Variants in CSMD1 observed in about 807,000 individuals in gnomAD.
CSMD1 encodes CUB and sushi domain-containing protein 1.
A neutral mutation model predicts 417.5 loss-of-function variants in CSMD1; 213 were observed. The ratio of observed to expected loss-of-function variants is 0.51; its 90% confidence interval spans 0.46 to 0.57. CSMD1 has a LOEUF of 0.57. Ranked by LOEUF, CSMD1 falls within the 20% of genes least tolerant of loss-of-function variation. The pLI, the probability that CSMD1 is intolerant of heterozygous loss-of-function variation, is 0.00. For missense variants in CSMD1, 6,923 were observed against 4,529.7 expected, an observed-to-expected ratio of 1.53 and a Z score of -15.17; for synonymous variants, 2,862 against 1,736.8, an observed-to-expected ratio of 1.65 and a Z score of -16.11.
rs34791623 is a variant in CSMD1 at position 4,510,390 on chromosome 8, TAAAAAAAAAAAA to T, written c.303-90337_303-90326del. The stretch of plus-strand genomic sequence containing the variant: ...GTAGACAATTAAAAAGCATAATGCC[TAAAAAAAAAAAA>T]AAAAAAAAAAAAAAAAAAAAGCAAA... On this transcript the variant is annotated intron_variant, in intron 2 of 69. Transcript: ENST00000635120. Among the ~76,000 whole-genome samples the T allele has an allele frequency of 3.8e-4, 21 of 54,642 alleles. No homozygotes were observed. The South Asian group carries it at 4.5e-3, about 12-fold the overall frequency. The allele number at this position is 54,642 out of a possible 152,430, so 35.8% of individuals were successfully genotyped here. A position where few individuals can be genotyped will look rare whatever the true frequency, so the allele number is the denominator to read the frequency against.
intron 9 of CSMD1, among the ~76,000 whole-genome samples, chr8:3,580,137 G>T (rs1584916696): frequency 6.6e-6 from 1 of 152,180 alleles, no homozygotes; most frequent in East Asian, 1.9e-4. Context: ...AAGAAAAAAA[G>T]TATACATGCA....
intron 3 of CSMD1, among the ~76,000 whole-genome samples, chr8:4,204,556 C>G (rs907230596): frequency 6.6e-6 from 1 of 152,092 alleles, no homozygotes; most frequent in African/African-American, 2.4e-5. Context: ...ATTATGACAC[C>G]TTTTCTATAC....
At chr8:4,409,932 G>A (rs890799221) in intron 3 of CSMD1, among the ~76,000 whole-genome samples, 6 of 151,712 alleles carry the variant, frequency 4.0e-5, no homozygotes, top group African/African-American at 1.5e-4. Context: ...TCCTGCCTCA[G>A]CTTCCCAAGT....
chr8:2,997,520 T>A (rs1392535346), intron 54 of CSMD1, among the ~76,000 whole-genome samples: 2 of 152,126 alleles, frequency 1.3e-5, no homozygotes, highest in Non-Finnish European at 2.9e-5. Flanking sequence ...TGAAATGAAA[T>A]CTTAAACATC....
intron 6 of CSMD1, among the ~76,000 whole-genome samples, chr8:3,747,556 G>C (rs563721570): frequency 8.6e-5 from 13 of 151,726 alleles, no homozygotes; most frequent in East Asian, 3.9e-4. Context: ...TACATGTAGA[G>C]GCAGTTTGTC....
chr8:4,385,971 T>G (rs1803421478), intron 3 of CSMD1, among the ~76,000 whole-genome samples: 2 of 152,022 alleles, frequency 1.3e-5, no homozygotes, highest in African/African-American at 4.8e-5. Context: ...CATCAGCATC[T>G]TTCCTTTAAG....
At chr8:4,812,989 A>G (rs947071139) in intron 1 of CSMD1, among the ~76,000 whole-genome samples, 2 of 152,212 alleles carry the variant, frequency 1.3e-5, no homozygotes, top group African/African-American at 2.4e-5. Context: ...TCTTGCCCTT[A>G]TTTATCTGTT....
intron 38 of CSMD1, among the ~76,000 whole-genome samples, 196 bp downstream of exon 38, chr8:3,161,963 T>C (rs911453549): frequency 5.9e-5 from 9 of 152,232 alleles, no homozygotes; most frequent in Admixed American, 5.9e-4. Context: ...TGCTTAGCTT[T>C]GAAAGAGTAC....
At chr8:4,054,449 C>T (rs1000665924) in intron 3 of CSMD1, among the ~76,000 whole-genome samples, 2 of 152,050 alleles carry the variant, frequency 1.3e-5, no homozygotes, top group Non-Finnish European at 2.9e-5. Flanking sequence ...GGGAGAGAAG[C>T]AAACTTCTTC....
intron 1 of CSMD1, among the ~76,000 whole-genome samples, chr8:4,665,655 C>G (rs572743995): frequency 1.4e-4 from 22 of 152,236 alleles, no homozygotes; most frequent in African/African-American, 5.3e-4. Flanking sequence ...GTTAGCATAA[C>G]GCATTCAAGG....
chr8:4,146,265 A>AAG (rs1804115303), intron 3 of CSMD1, among the ~76,000 whole-genome samples: 1 of 151,098 alleles, frequency 6.6e-6, no homozygotes, highest in Non-Finnish European at 1.5e-5. Context: ...CACTCGAGGC[A>AAG]GTAATTCGCG....
chr8:3,995,252 C>G (rs1815113602), intron 5 of CSMD1, among the ~76,000 whole-genome samples: 2 of 152,166 alleles, frequency 1.3e-5, no homozygotes, highest in Non-Finnish European at 2.9e-5. Flanking sequence ...GGAGAACCAT[C>G]TTTTGCTTTT....
At chr8:4,230,457 C>A (rs1004134676) in intron 3 of CSMD1, among the ~76,000 whole-genome samples, 2 of 152,006 alleles carry the variant, frequency 1.3e-5, no homozygotes, top group Non-Finnish European at 2.9e-5. Flanking sequence ...AAATTATATC[C>A]CAATCAATAA....
At position 4,884,374 on chromosome 8, in the gene CSMD1, T is replaced by G. The variant is rs1210484297; in HGVS notation, c.85+109958A>C. Reference sequence around the variant, plus strand: ...TCCTTTGAGGTACAACGTTTAGAGTTTTGATGAAGTCCAATATCTATATGT... The same window carrying G: ...TCCTTTGAGGTACAACGTTTAGAGTGTTGATGAAGTCCAATATCTATATGT... On this transcript the variant is annotated intron_variant, in intron 1 of 69. Transcript: ENST00000635120. Among the ~76,000 whole-genome samples the G allele has an allele frequency of 4.6e-5, 7 of 151,992 alleles. 1 individual carries two copies. Among genetic ancestry groups the G allele is most frequent in the African/African-American group, 1.7e-4 (7 of 41,354 alleles).
rs377590642 is a variant in CSMD1 at position 3,926,435 on chromosome 8, G to A, written c.818+71468C>T. 2.6e-5 allele frequency among the ~76,000 whole-genome samples: 4 copies of A among 152,080 alleles called. No individual in the cohort carries two copies. In the East Asian group the frequency reaches 5.8e-4, roughly 22 times the overall value. On this transcript the variant is annotated intron_variant, in intron 5 of 69. Coordinates refer to ENST00000635120, the MANE Select transcript of CSMD1 (RefSeq NM_033225.6). ...AGATATTACCAGTAGCTAATATAGA[G>A]TCTGTTATAAATATTTGTTGAATGA...
chr8:4,774,603 A>C (rs1374926303), intron 1 of CSMD1, among the ~76,000 whole-genome samples: 2 of 152,204 alleles, frequency 1.3e-5, no homozygotes, highest in African/African-American at 4.8e-5. Flanking sequence ...GAGTTAATCA[A>C]CTGATGTGGT....
chr8:4,180,454 C>T (rs1056628524), intron 3 of CSMD1, among the ~76,000 whole-genome samples: 3 of 149,676 alleles, frequency 2.0e-5, no homozygotes, highest in Non-Finnish European at 4.4e-5. Flanking sequence ...GGAGGGATAG[C>T]ATTAGGAGAT....
At chr8:3,048,849 G>T (rs901631760) in intron 50 of CSMD1, among the ~76,000 whole-genome samples, 3 of 149,990 alleles carry the variant, frequency 2.0e-5, no homozygotes, top group Non-Finnish European at 4.4e-5. Flanking sequence ...ATAAAGAACT[G>T]GTATCTAAAC....
At position 4,529,286 on chromosome 8, in the gene CSMD1, T is replaced by C. The variant is rs76472772; in HGVS notation, c.302+108056A>G. On this transcript the variant is annotated intron_variant, in intron 2 of 69. Coordinates refer to ENST00000635120, the MANE Select transcript of CSMD1 (RefSeq NM_033225.6). ...ATGTGGTTTTCCAAAAGGTACATAG[T>C]GCACAACATTACAACAGATTGTATG... 7.4e-3 allele frequency among the ~76,000 whole-genome samples: 1,131 copies of C among 152,314 alleles called. 16 individuals are homozygous for C. Among genetic ancestry groups the C allele is most frequent in the African/African-American group, 0.026 (1,075 of 41,572 alleles).
Sources: gnomAD v4.1 joint callset for allele counts (sites outside exome capture counted in the v4.1 genomes callset) on GRCh38, gnomAD v4.1.1 for gene constraint, MANE v1.5 for transcripts, NCBI Gene and HGNC (gene_info 2026-07-23, HGNC 2026-07-21) for gene names.